PMFBP1: variants seen among roughly 807,000 people sequenced by gnomAD.
PMFBP1 encodes polyamine modulated factor 1 binding protein 1.
In PMFBP1, 131 loss-of-function variants were observed where a neutral mutation model predicts 137.8. The observed-to-expected ratio is 0.95, with a 90% CI of 0.82 to 1.10. The LOEUF (loss-of-function observed/expected upper bound fraction) is 1.10. Ranked by LOEUF, PMFBP1 falls within the 50% of genes least tolerant of loss-of-function variation. The probability of loss-of-function intolerance (pLI) is 0.00; values close to 1 mark genes in which losing one functional copy is unlikely to be tolerated. For synonymous variants in PMFBP1, 490 were observed against 450.4 expected (o/e 1.09, Z -1.11); for missense variants, 1,199 against 1,175.4 (o/e 1.02, Z -0.29).
the PMFBP1 span, among the ~76,000 whole-genome samples, chr16:72,201,804 C>T: frequency 7.9e-5 from 12 of 152,130 alleles, no homozygotes; most frequent in Non-Finnish European, 1.2e-4. Context: ...ACTTTCAAAG[C>T]TCATTATTGA....
chr16:72,246,535 C>T, the PMFBP1 span, among the ~76,000 whole-genome samples: 56 of 152,016 alleles, frequency 3.7e-4, no homozygotes, highest in East Asian at 8.0e-3. Context: ...GTCCCTTCTG[C>T]TTGAGGTGAC....
intron 9 of PMFBP1, among the ~76,000 whole-genome samples, chr16:72,135,103 C>T (rs17603936): frequency 2.6e-5 from 4 of 152,070 alleles, no homozygotes; most frequent in South Asian, 2.1e-4. Context: ...TCTGTTTTGA[C>T]GGGCATATCT....
intron 3 of PMFBP1, among the ~76,000 whole-genome samples, chr16:72,156,573 T>C (rs555172148): frequency 2.0e-5 from 3 of 151,402 alleles, no homozygotes; most frequent in Admixed American, 2.0e-4. Context: ...TGAGCTGAGA[T>C]CGTGCCACTG....
At chr16:72,199,085 A>T in the PMFBP1 span, among the ~76,000 whole-genome samples, 1 of 152,158 alleles carries the variant, frequency 6.6e-6, no homozygotes, top group African/African-American at 2.4e-5. Flanking sequence ...GTGCTGTTGC[A>T]GGGAACTAGG....
the PMFBP1 span, among the ~76,000 whole-genome samples, chr16:72,211,950 T>A: frequency 6.6e-6 from 1 of 152,018 alleles, no homozygotes; most frequent in Non-Finnish European, 1.5e-5. Flanking sequence ...TGAGCTGAGA[T>A]CCTGCCACTG....
chr16:72,223,664 C>G, the PMFBP1 span, among the ~76,000 whole-genome samples: 1 of 152,168 alleles, frequency 6.6e-6, no homozygotes, highest in African/African-American at 2.4e-5. Flanking sequence ...GGCCAACAAG[C>G]TAGAGCTGCT....
chr16:72,147,905 AC>A, intron 5 of PMFBP1, among the ~76,000 whole-genome samples: 1 of 152,286 alleles, frequency 6.6e-6, no homozygotes, highest in Non-Finnish European at 1.5e-5. Context: ...AAATAGGAAC[AC>A]TTTTACACTG....
chr16:72,237,067 C>T, the PMFBP1 span, among the ~76,000 whole-genome samples: 1 of 152,174 alleles, frequency 6.6e-6, no homozygotes, highest in Non-Finnish European at 1.5e-5. Context: ...AGCCAAGTTA[C>T]CTGTTCCCAC....
intron 5 of PMFBP1, among the ~76,000 whole-genome samples, chr16:72,143,396 A>C (rs1399412081): frequency 6.6e-6 from 1 of 152,224 alleles, no homozygotes; most frequent in Non-Finnish European, 1.5e-5. Context: ...AAATCTGGTA[A>C]GAGAGCTCAG....
At chr16:72,127,710 TA>T (rs1382479871) in intron 14 of PMFBP1, among the ~76,000 whole-genome samples, 1 of 152,204 alleles carries the variant, frequency 6.6e-6, no homozygotes, top group Non-Finnish European at 1.5e-5. Flanking sequence ...TCAATGGTAT[TA>T]GGTCTAGATG....
chr16:72,199,077 G>A, the PMFBP1 span, among the ~76,000 whole-genome samples: 1 of 152,168 alleles, frequency 6.6e-6, no homozygotes, highest in South Asian at 2.1e-4. Flanking sequence ...GAGTGGCTGT[G>A]CTGTTGCAGG....
intron 7 of PMFBP1, among the ~76,000 whole-genome samples, chr16:72,138,477 G>A (rs1004926733): frequency 2.6e-5 from 4 of 152,154 alleles, no homozygotes; most frequent in African/African-American, 9.7e-5. Context: ...AGGACACCTG[G>A]CCATGTTTTA....
the PMFBP1 span, among the ~76,000 whole-genome samples, chr16:72,242,402 C>G: frequency 5.3e-5 from 8 of 152,214 alleles, no homozygotes; most frequent in Non-Finnish European, 4.4e-5. Context: ...CTCCTTAGTT[C>G]TCTTTATTCT....
chr16:72,188,563 ATAAAG>A, the PMFBP1 span, among the ~76,000 whole-genome samples: 84 of 152,364 alleles, frequency 5.5e-4, no homozygotes, highest in African/African-American at 1.9e-3. Flanking sequence ...TATGAAGCTC[ATAAAG>A]TACACACAGA....
the PMFBP1 span, among the ~76,000 whole-genome samples, chr16:72,233,726 A>C: frequency 2.0e-5 from 3 of 152,096 alleles, no homozygotes; most frequent in Non-Finnish European, 2.9e-5. Flanking sequence ...ACCTATCGGC[A>C]GTCATTCGTC....
At chr16:72,232,433 G>A in the PMFBP1 span, among the ~76,000 whole-genome samples, 2 of 152,218 alleles carry the variant, frequency 1.3e-5, no homozygotes, top group African/African-American at 4.8e-5. Context: ...ACCCACTATT[G>A]TTTTAGGTTA....
chr16:72,191,184 C>T, the PMFBP1 span, among the ~76,000 whole-genome samples: 1 of 152,130 alleles, frequency 6.6e-6, no homozygotes, highest in East Asian at 1.9e-4. Flanking sequence ...ATTCCTGCTA[C>T]TTTACAGACA....
At chr16:72,243,872 AG>A in the PMFBP1 span, among the ~76,000 whole-genome samples, 1 of 152,252 alleles carries the variant, frequency 6.6e-6, no homozygotes, top group African/African-American at 2.4e-5. Flanking sequence ...ACACAGGGAT[AG>A]ATTCCTGAAA....
the PMFBP1 span, among the ~76,000 whole-genome samples, chr16:72,225,533 G>C: frequency 6.6e-6 from 1 of 151,206 alleles, no homozygotes; most frequent in Non-Finnish European, 1.5e-5. Flanking sequence ...CTTTACACGG[G>C]GTCTCTACAA....
Sources: gnomAD v4.1 joint callset for allele counts (sites outside exome capture counted in the v4.1 genomes callset) on GRCh38, gnomAD v4.1.1 for gene constraint, MANE v1.5 for transcripts, NCBI Gene and HGNC (gene_info 2026-07-23, HGNC 2026-07-21) for gene names.